Variants in ERICH2 observed in about 807,000 individuals in gnomAD.
ERICH2 encodes the protein glutamate-rich protein 2.
Under a neutral mutation model 17.4 loss-of-function variants are expected in ERICH2, and 17 were observed. The ratio of observed to expected loss-of-function variants is 0.98; its 90% CI spans 0.67 to 1.47. ERICH2 has a LOEUF of 1.47. Ranked by LOEUF, ERICH2 falls within the 40% of genes most tolerant of loss-of-function variation. The pLI, the probability that ERICH2 is intolerant of heterozygous loss-of-function variation, is 0.00. For missense variants in ERICH2, 186 were observed against 183.2 expected (o/e 1.01, Z -0.09); for synonymous variants, 51 against 61.1 (o/e 0.83, Z 0.77).
chr2:170,783,936 C>T, intron 1 of ERICH2: 1 of 1,548,448 alleles, frequency 6.5e-7, no homozygotes, highest in Non-Finnish European at 8.7e-7. Context: ...TTCAGGGTAG[C>T]ATTTTGGGTT....
At chr2:170,791,792 C>T (rs1221134729) in intron 2 of ERICH2, among the ~76,000 whole-genome samples, 5 of 151,686 alleles carry the variant, frequency 3.3e-5, no homozygotes, top group African/African-American at 1.2e-4. Flanking sequence ...GAAAAATCTC[C>T]GGAAGAGTTA....
At chr2:170,786,854 A>G (rs562713872) in intron 2 of ERICH2, among the ~76,000 whole-genome samples, 1 of 152,168 alleles carries the variant, frequency 6.6e-6, no homozygotes, top group South Asian at 2.1e-4. Context: ...TTTTATACCT[A>G]TTATTTCTGT....
chr2:170,777,667 G>A, the ERICH2 span: 14 of 1,234,002 alleles, frequency 1.1e-5, no homozygotes, highest in East Asian at 9.5e-5. Flanking sequence ...TGAATCAAAC[G>A]AAGCAATGTC....
intron 2 of ERICH2, among the ~76,000 whole-genome samples, chr2:170,791,064 G>T (rs73021479): frequency 0.012 from 1,808 of 152,000 alleles, 41 homozygotes; most frequent in African/African-American, 0.041. Flanking sequence ...TTGAAAAAAG[G>T]ATGACATAGA....
At chr2:170,794,105 C>CTTTTTTTTTTTTTTTTTTTTTTT (rs59152667) in intron 3 of ERICH2, among the ~76,000 whole-genome samples, 1 of 88,168 alleles carries the variant, frequency 1.1e-5, no homozygotes, top group Non-Finnish European at 2.1e-5. Flanking sequence ...TCCTTTCTTT[C>CTTTTTTTTTTTTTTTTTTTTTTT]TTTTTTTTTT....
intron 2 of ERICH2, among the ~76,000 whole-genome samples, chr2:170,788,915 G>C (rs1701217846): frequency 6.6e-6 from 1 of 151,302 alleles, no homozygotes; most frequent in South Asian, 2.1e-4. Flanking sequence ...GAGAGGCATA[G>C]ATATAGCCTA....
chr2:170,795,961 AT>A (rs1701406018), intron 3 of ERICH2, among the ~76,000 whole-genome samples: 1 of 152,202 alleles, frequency 6.6e-6, no homozygotes, highest in South Asian at 2.1e-4. Context: ...GCAAATACAG[AT>A]ATACTGTATC....
At chr2:170,794,105 C>CTTTTTTTTTTTTTTT (rs59152667) in intron 3 of ERICH2, among the ~76,000 whole-genome samples, 14 of 88,166 alleles carry the variant, frequency 1.6e-4, no homozygotes, top group Admixed American at 3.1e-4. Flanking sequence ...TCCTTTCTTT[C>CTTTTTTTTTTTTTTT]TTTTTTTTTT....
At chr2:170,772,111 C>T in the ERICH2 span, among the ~76,000 whole-genome samples, 43 of 152,070 alleles carry the variant, frequency 2.8e-4, no homozygotes, top group Non-Finnish European at 4.6e-4. Flanking sequence ...TTTCTCTTTA[C>T]GTGTTAAGAG....
At chr2:170,798,565 T>A (rs1456215460) in intron 4 of ERICH2, among the ~76,000 whole-genome samples, 2 of 152,224 alleles carry the variant, frequency 1.3e-5, no homozygotes, top group Non-Finnish European at 2.9e-5. Context: ...ACTTATGTTT[T>A]AAATTATCAA....
chr2:170,777,936 A>G, the ERICH2 span: 2 of 361,278 alleles, frequency 5.5e-6, no homozygotes, highest in African/African-American at 2.1e-5. Context: ...AACACCCTGT[A>G]TTCTGTATTT....
At position 170,792,848 on chromosome 2, in the gene ERICH2, T is replaced by A. The variant is rs1444995591; in HGVS notation, c.217-15T>A. 3 of 1,486,682 alleles carry A rather than the reference T, an allele frequency of 2.0e-6. No individual in the cohort carries two copies. Among genetic ancestry groups the A allele is most frequent in the Non-Finnish European group, 2.7e-6 (3 of 1,109,720 alleles). 92.1% of individuals were successfully genotyped at this position (1,486,682 alleles called of 1,614,324 possible). On this transcript the variant is annotated splice_polypyrimidine_tract_variant and intron_variant, in intron 2 of 4. Coordinates refer to ENST00000409885, the Ensembl canonical transcript of ERICH2. ...CATTTAAATTCACTTATCTGAAGAA[T>A]TTAATGTTTTCCAGTTTCTGAGAGC...
upstream of ERICH2, chr2:170,779,816 C>T (rs1700985914): frequency 2.6e-5 from 26 of 984,268 alleles, no homozygotes; most frequent in South Asian, 1.2e-3. Flanking sequence ...GGACGCAGAC[C>T]AAGATTGACA....
At chr2:170,793,059 A>G in intron 3 of ERICH2, 139 bp downstream of exon 8, 2 of 501,318 alleles carry the variant, frequency 4.0e-6, no homozygotes, top group Non-Finnish European at 7.1e-6. Flanking sequence ...ATAATAAATT[A>G]GGTTGATTGG....
At chr2:170,798,773 A>T (rs1239883158) in exon 5 of ERICH2, 1 of 1,550,482 alleles carries the variant, frequency 6.4e-7, no homozygotes, top group African/African-American at 1.4e-5. Context: ...GTGGCAGAGA[A>T]AACTCAGAAT....
chr2:170,791,056 G>GA (rs1701277174), intron 2 of ERICH2, among the ~76,000 whole-genome samples: 1 of 151,870 alleles, frequency 6.6e-6, no homozygotes, highest in Admixed American at 6.6e-5. Flanking sequence ...TTGGATATTT[G>GA]AAAAAAGGAT....
chr2:170,785,997 A>C (rs1466360625), intron 2 of ERICH2, among the ~76,000 whole-genome samples: 1 of 151,946 alleles, frequency 6.6e-6, no homozygotes, highest in Non-Finnish European at 1.5e-5. Context: ...TTTTACTTCT[A>C]TCCATGCATA....
At chr2:170,795,063 C>T (rs10165379) in intron 3 of ERICH2, among the ~76,000 whole-genome samples, 56,912 of 151,760 alleles carry the variant, frequency 0.38, 11,353 homozygotes, top group East Asian at 0.57. Flanking sequence ...CCACTGCAGT[C>T]TCAATCTCCC....
the ERICH2 span, among the ~76,000 whole-genome samples, chr2:170,772,880 C>T: frequency 3.5e-4 from 54 of 152,258 alleles, no homozygotes; most frequent in African/African-American, 1.2e-3. Context: ...TAGCACAAAA[C>T]AGTAAAATAA....
Sources: gnomAD v4.1 joint callset for allele counts (sites outside exome capture counted in the v4.1 genomes callset) on GRCh38, gnomAD v4.1.1 for gene constraint, MANE v1.5 for transcripts, NCBI Gene and HGNC (gene_info 2026-07-23, HGNC 2026-07-21) for gene names.